Variants in AK9 observed in about 807,000 individuals in gnomAD.
AK9 encodes adenylate kinase 9, also known as adenylate kinase domain containing 1.
AK9 carries 191 observed loss-of-function variants against 239.6 expected under a neutral mutation model. The observed-to-expected ratio is 0.80, with a 90% CI of 0.71 to 0.90. The LOEUF (loss-of-function observed/expected upper bound fraction) is 0.90, where lower values mean the gene tolerates loss of function less well. Ranked by LOEUF, AK9 falls within the 40% of genes least tolerant of loss-of-function variation. AK9 has a pLI of 0.00. For missense variants in AK9, 1,995 were observed against 2,214.7 expected (o/e 0.90, Z 1.99); for synonymous variants, 689 against 721.0 (o/e 0.96, Z 0.71).
chr6:109,497,361 C>T (rs1019468158), intron 38 of AK9, 104 bp downstream of exon 38: 2 of 626,400 alleles, frequency 3.2e-6, no homozygotes, highest in Non-Finnish European at 5.7e-6. Flanking sequence ...CACACACACA[C>T]ACTCTCTCTC....
intron 19 of AK9, among the ~76,000 whole-genome samples, chr6:109,580,936 A>T (rs1226087382): frequency 6.6e-6 from 1 of 151,502 alleles, no homozygotes; most frequent in African/African-American, 2.4e-5. Flanking sequence ...TTTGTTTTAC[A>T]AGTTGAGGGT....
Position 109,585,073 on chromosome 6 carries a change from C to T in AK9, c.2114+50G>A, listed in dbSNP as rs571445794. ...AGTATAATTGCAAGAAGATATTTAA[C>T]TGCTATAACAGATACATTAATCTGT... On this transcript the variant is annotated intron_variant, in intron 19 of 40. Coordinates refer to ENST00000424296, the MANE Select transcript of AK9 (RefSeq NM_001145128.3). 94 of 974,272 alleles carry T rather than the reference C, an allele frequency of 9.6e-5. No homozygotes were observed. In the African/African-American group the frequency reaches 1.6e-3, roughly 16 times the overall value. The allele number at this position is 974,272 out of a possible 1,614,324, so 60.4% of individuals were successfully genotyped here.
At chr6:109,563,737 GA>G (rs1221610524) in intron 23 of AK9, 25 bp from the exon 24 acceptor site, 5 of 1,537,026 alleles carry the variant, frequency 3.3e-6, no homozygotes, top group Non-Finnish European at 4.4e-6. Flanking sequence ...AATCATTGGG[GA>G]AAATATTTTT....
At chr6:109,646,443 T>C (rs1037558693) in intron 8 of AK9, among the ~76,000 whole-genome samples, 6 of 152,040 alleles carry the variant, frequency 3.9e-5, no homozygotes, top group Admixed American at 3.9e-4. Context: ...AACTACGTGA[T>C]GCATGCACAA....
chr6:109,495,520 G>A (rs1776945819), intron 38 of AK9, 80 bp from the exon 39 acceptor site: 2 of 1,016,736 alleles, frequency 2.0e-6, no homozygotes, highest in Non-Finnish European at 2.8e-6. Flanking sequence ...GAGACTATTA[G>A]AAGATAAAGT....
At chr6:109,540,534 T>C (rs1350961828) in intron 27 of AK9, among the ~76,000 whole-genome samples, 2 of 152,212 alleles carry the variant, frequency 1.3e-5, no homozygotes, top group Non-Finnish European at 2.9e-5. Context: ...GGGAATTCCC[T>C]GACCCCTTGC....
In AK9 at chr6:109,542,261, G is replaced by A. The variant is rs567479217; in HGVS notation, c.3226-90C>T. On this transcript the variant is annotated intron_variant, in intron 26 of 40. Coordinates refer to ENST00000424296, the MANE Select transcript of AK9 (RefSeq NM_001145128.3). ...ACTCATATGTGAAAGTTAAAGAGGAGGACCTCATGGAGGTGGAGAGTAGAA... is the reference window on the plus strand; with the variant it reads ...ACTCATATGTGAAAGTTAAAGAGGAAGACCTCATGGAGGTGGAGAGTAGAA... 23 of 1,242,030 alleles carry A rather than the reference G, an allele frequency of 1.9e-5. No individual in the cohort carries two copies. The African/African-American group carries it at 2.4e-4, about 13-fold the overall frequency. The allele number at this position is 1,242,030 out of a possible 1,614,324, so 76.9% of individuals were successfully genotyped here.
intron 10 of AK9, 147 bp downstream of exon 10, chr6:109,641,370 TA>T: frequency 2.8e-6 from 1 of 354,284 alleles, no homozygotes; most frequent in South Asian, 7.5e-5. Context: ...TTTTTTTTTG[TA>T]GAGATGGGTT....
At chr6:109,579,043 T>G (rs758749647) in intron 20 of AK9, among the ~76,000 whole-genome samples, 2 of 151,834 alleles carry the variant, frequency 1.3e-5, no homozygotes, top group Non-Finnish European at 2.9e-5. Flanking sequence ...CTGTAAAATC[T>G]ATTTGCTCTA....
rs369400574 is a variant in AK9, at chr6:109,577,829, CTCCT to C, written c.2191+1717_2191+1720del. Among the ~76,000 whole-genome samples, 121 of 150,550 alleles carry C rather than the reference CTCCT, an allele frequency of 8.0e-4. 1 individual carries two copies. Among genetic ancestry groups the C allele is most frequent in the Middle Eastern group, 3.4e-3 (1 of 290 alleles). On this transcript the variant is annotated intron_variant, in intron 20 of 40. Coordinates refer to ENST00000424296, the MANE Select transcript of AK9 (RefSeq NM_001145128.3). The stretch of plus-strand genomic sequence containing the variant: ...GTTTCTGTGGTATTGGCTGTAATAT[CTCCT>C]TCCTTCCTTCCTTCCTCTCTCTTTT...
At chr6:109,544,028 A>G (rs1328094224) in intron 26 of AK9, among the ~76,000 whole-genome samples, 1 of 152,044 alleles carries the variant, frequency 6.6e-6, no homozygotes, top group Admixed American at 6.5e-5. Flanking sequence ...CTGAGGTGAG[A>G]GGATCGCTTG....
intron 17 of AK9, among the ~76,000 whole-genome samples, chr6:109,588,050 G>A (rs1045846424): frequency 1.6e-4 from 25 of 151,822 alleles, no homozygotes; most frequent in African/African-American, 6.0e-4. Flanking sequence ...TGATGTTGAG[G>A]ACTTTTTTTC....
intron 12 of AK9, among the ~76,000 whole-genome samples, chr6:109,623,947 T>C (rs979083094): frequency 3.3e-5 from 5 of 150,968 alleles, no homozygotes; most frequent in African/African-American, 1.2e-4. Context: ...AAGAATTAGA[T>C]AATACATTTT....
chr6:109,662,181 G>A (rs1275953154), intron 6 of AK9, among the ~76,000 whole-genome samples: 1 of 152,162 alleles, frequency 6.6e-6, no homozygotes, highest in Non-Finnish European at 1.5e-5. Flanking sequence ...GACAGGGAGC[G>A]GAGAGCACCA....
chr6:109,579,913 G>A (rs1219024057), intron 19 of AK9, among the ~76,000 whole-genome samples: 2 of 152,054 alleles, frequency 1.3e-5, no homozygotes, highest in Non-Finnish European at 2.9e-5. Context: ...CAAATGGAAG[G>A]ATTTGTAGCA....
chr6:109,530,976 G>C lies in AK9; in HGVS notation c.3571-1903C>G, dbSNP rs111252195. Among the ~76,000 whole-genome samples the C allele has an allele frequency of 7.9e-3, 1,202 of 152,206 alleles. 24 individuals are homozygous for C. Among genetic ancestry groups the C allele is most frequent in the African/African-American group, 0.026 (1,064 of 41,524 alleles). ...GAGAATCGCTTGAACCCAAGTGGCG[G>C]AGGTTGCAATGAGCTGAGATTGCGC... On this transcript the variant is annotated intron_variant, in intron 28 of 40. Coordinates refer to ENST00000424296, the MANE Select transcript of AK9 (RefSeq NM_001145128.3).
intron 12 of AK9, chr6:109,632,224 G>A: frequency 2.0e-6 from 2 of 985,406 alleles, no homozygotes; most frequent in Non-Finnish European, 2.4e-6. Flanking sequence ...TTAAAAGAAT[G>A]CAACAGCACT....
chr6:109,503,201 T>C (rs984300260), intron 35 of AK9, among the ~76,000 whole-genome samples: 3 of 151,918 alleles, frequency 2.0e-5, no homozygotes, highest in Non-Finnish European at 2.9e-5. Context: ...TTAAGGTATA[T>C]AGTATTATAA....
At chr6:109,677,470 A>G (rs1771925466) in intron 1 of AK9, among the ~76,000 whole-genome samples, 1 of 152,150 alleles carries the variant, frequency 6.6e-6, no homozygotes, top group South Asian at 2.1e-4. Flanking sequence ...GGGCGAAAGG[A>G]TTTAATTTGT....
Sources: gnomAD v4.1 joint callset for allele counts (sites outside exome capture counted in the v4.1 genomes callset) on GRCh38, gnomAD v4.1.1 for gene constraint, MANE v1.5 for transcripts, NCBI Gene and HGNC (gene_info 2026-07-23, HGNC 2026-07-21) for gene names.